SEMA3A: variants seen among roughly 807,000 people sequenced by gnomAD.
SEMA3A encodes the protein semaphorin-3A.
In SEMA3A, 29 loss-of-function variants were observed where a neutral mutation model predicts 97.9. That is an observed-to-expected ratio of 0.30 (90% CI 0.22 to 0.40). The LOEUF (loss-of-function observed/expected upper bound fraction) is 0.40. Ranked by LOEUF, SEMA3A falls within the 10% of genes least tolerant of loss-of-function variation. SEMA3A has a pLI of 1.00. For synonymous variants in SEMA3A, 321 were observed against 323.7 expected, an observed-to-expected ratio of 0.99 and a Z score of 0.09; for missense variants, 763 against 951.3, an observed-to-expected ratio of 0.80 and a Z score of 2.60.
intron 3 of SEMA3A, among the ~76,000 whole-genome samples, chr7:84,207,315 T>G (rs900571155): frequency 6.6e-6 from 1 of 152,188 alleles, no homozygotes; most frequent in African/African-American, 2.4e-5. Flanking sequence ...CAAAGCTGGC[T>G]GTCAAAACTG....
intron 1 of SEMA3A, among the ~76,000 whole-genome samples, chr7:84,393,316 T>C (rs1263682294): frequency 6.6e-6 from 1 of 152,164 alleles, no homozygotes; most frequent in African/African-American, 2.4e-5. Flanking sequence ...TTCCATTGTT[T>C]ATTCTTGGGA....
intron 2 of SEMA3A, among the ~76,000 whole-genome samples, chr7:84,359,082 AGACAGG>A (rs1802645742): frequency 6.6e-6 from 1 of 152,194 alleles, no homozygotes. Context: ...TGTCATCTGC[AGACAGG>A]GACAATTTGA....
At chr7:84,463,250 T>A (rs1475381917) in intron 1 of SEMA3A, among the ~76,000 whole-genome samples, 1 of 89,230 alleles carries the variant, frequency 1.1e-5, no homozygotes, top group African/African-American at 4.5e-5. Flanking sequence ...TTTTTTTTTT[T>A]TTTTTTTTTT....
intron 14 of SEMA3A, 61 bp downstream of exon 14, chr7:83,981,260 A>C: frequency 1.3e-6 from 2 of 1,572,238 alleles, no homozygotes; most frequent in Middle Eastern, 1.7e-4. Context: ...AAGCTATTTC[A>C]AACTTGGAAT....
chr7:84,302,856 T>C (rs1209520034), intron 3 of SEMA3A, among the ~76,000 whole-genome samples: 1 of 152,190 alleles, frequency 6.6e-6, no homozygotes, highest in Non-Finnish European at 1.5e-5. Flanking sequence ...TTTGTATTCA[T>C]CTTTGCCCCA....
At chr7:84,070,176 C>G (rs780642991) in intron 4 of SEMA3A, among the ~76,000 whole-genome samples, 14 of 152,120 alleles carry the variant, frequency 9.2e-5, no homozygotes, top group Non-Finnish European at 1.6e-4. Context: ...TATACTGATT[C>G]TAATTGCTTT....
intron 6 of SEMA3A, among the ~76,000 whole-genome samples, chr7:84,026,383 T>G (rs1446897940): frequency 6.6e-6 from 1 of 152,206 alleles, no homozygotes; most frequent in Admixed American, 6.5e-5. Flanking sequence ...TTTCACTTAT[T>G]TATTTGTTTT....
chr7:84,434,282 A>G (rs547929500), intron 1 of SEMA3A, among the ~76,000 whole-genome samples: 3,998 of 123,690 alleles, frequency 0.032, 165 homozygotes, highest in African/African-American at 0.12. Flanking sequence ...AACTTCCTGG[A>G]AACACACACG....
chr7:84,030,076 A>G (rs905808345), intron 6 of SEMA3A, among the ~76,000 whole-genome samples: 11 of 152,162 alleles, frequency 7.2e-5, no homozygotes, highest in Admixed American at 3.3e-4. Context: ...ATGTTCAAGA[A>G]GTAATTAAAA....
chr7:84,350,502 T>G (rs1314134373), intron 2 of SEMA3A, among the ~76,000 whole-genome samples: 1 of 152,204 alleles, frequency 6.6e-6, no homozygotes, highest in African/African-American at 2.4e-5. Context: ...TCTGTGGAAA[T>G]GATAGGCCAA....
intron 1 of SEMA3A, among the ~76,000 whole-genome samples, chr7:84,452,112 C>T (rs1805571383): frequency 6.6e-6 from 1 of 151,982 alleles, no homozygotes; most frequent in African/African-American, 2.4e-5. Context: ...TTTTACACAC[C>T]TGACAACAGC....
At chr7:83,985,686 C>T (rs1789603192) in intron 12 of SEMA3A, among the ~76,000 whole-genome samples, 1 of 152,150 alleles carries the variant, frequency 6.6e-6, no homozygotes, top group African/African-American at 2.4e-5. Context: ...CAGTGTCATA[C>T]AGTCTACATA....
chr7:84,058,012 T>C (rs1303749050), intron 5 of SEMA3A, among the ~76,000 whole-genome samples: 2 of 152,160 alleles, frequency 1.3e-5, no homozygotes, highest in African/African-American at 2.4e-5. Flanking sequence ...TGCTAGTTTT[T>C]GTAAACTAAA....
chr7:84,320,726 A>G (rs916114534), intron 2 of SEMA3A, among the ~76,000 whole-genome samples: 5 of 150,830 alleles, frequency 3.3e-5, no homozygotes, highest in Admixed American at 6.6e-5. Context: ...TTGAATTGCA[A>G]TTATTATACA....
intron 1 of SEMA3A, among the ~76,000 whole-genome samples, chr7:84,191,241 AC>A (rs1455408250): frequency 2.7e-5 from 4 of 149,724 alleles, no homozygotes; most frequent in South Asian, 2.1e-4. Flanking sequence ...AAAAAAAAAA[AC>A]AACTTTAGAA....
At chr7:84,137,182 C>A (rs1029232528) in intron 1 of SEMA3A, among the ~76,000 whole-genome samples, 1 of 151,836 alleles carries the variant, frequency 6.6e-6, no homozygotes, top group Non-Finnish European at 1.5e-5. Context: ...GGGTGGATCA[C>A]GAGGTCAGGA....
At chr7:84,424,709 T>A (rs1360517295) in intron 1 of SEMA3A, among the ~76,000 whole-genome samples, 1 of 56,414 alleles carries the variant, frequency 1.8e-5, no homozygotes, top group Non-Finnish European at 2.5e-5. Flanking sequence ...TATCAATATA[T>A]AATATATAAA....
chr7:84,161,448 C>A (rs1205714284), intron 1 of SEMA3A, among the ~76,000 whole-genome samples: 2 of 152,102 alleles, frequency 1.3e-5, no homozygotes, highest in Non-Finnish European at 2.9e-5. Context: ...GTCTATAGTA[C>A]AAATCATCCC....
chr7:84,376,089 T>C (rs1803089147), intron 1 of SEMA3A, among the ~76,000 whole-genome samples: 1 of 152,212 alleles, frequency 6.6e-6, no homozygotes, highest in Non-Finnish European at 1.5e-5. Context: ...TTTTATTCAC[T>C]CATCCACTGA....
Sources: allele counts gnomAD v4.1 joint callset (sites outside exome capture counted in the v4.1 genomes callset), GRCh38; gene constraint gnomAD v4.1.1; transcripts MANE v1.5; gene names NCBI Gene and HGNC (gene_info 2026-07-23, HGNC 2026-07-21).